TRHDE: variants seen among roughly 807,000 people sequenced by gnomAD.
TRHDE encodes thyrotropin releasing hormone degrading enzyme.
Under a neutral mutation model 125.7 loss-of-function variants are expected in TRHDE, and 72 were observed. The ratio of observed to expected loss-of-function variants is 0.57; its 90% CI spans 0.47 to 0.70. TRHDE has a LOEUF of 0.70. Among genes scored for constraint, TRHDE ranks in the 30% least tolerant of loss-of-function variants. The probability of loss-of-function intolerance (pLI) is 0.00; values close to 1 mark genes in which losing one functional copy is unlikely to be tolerated. For synonymous variants in TRHDE, 509 were observed against 509.1 expected, an observed-to-expected ratio of 1.00 and a Z score of 0.00; for missense variants, 1,110 against 1,327.1, an observed-to-expected ratio of 0.84 and a Z score of 2.54.
intron 2 of TRHDE, among the ~76,000 whole-genome samples, chr12:72,230,953 G>C (rs1214550643): frequency 6.6e-6 from 1 of 151,916 alleles, no homozygotes; most frequent in African/African-American, 2.4e-5. Flanking sequence ...TAACATACTT[G>C]GGTTATTTTA....
At chr12:72,094,809 T>A (rs1267487406) in intron 1 of TRHDE, among the ~76,000 whole-genome samples, 2 of 152,202 alleles carry the variant, frequency 1.3e-5, no homozygotes, top group Non-Finnish European at 2.9e-5. Flanking sequence ...AGTTGGTGAG[T>A]CTGCCACCTG....
chr12:72,171,919 T>A (rs959239472), intron 2 of TRHDE, among the ~76,000 whole-genome samples: 4 of 152,158 alleles, frequency 2.6e-5, no homozygotes, highest in African/African-American at 7.2e-5. Context: ...ATCAAATGAG[T>A]GGGATAATAT....
intron 3 of TRHDE, among the ~76,000 whole-genome samples, chr12:72,461,902 T>A (rs1304994507): frequency 6.6e-6 from 1 of 152,182 alleles, no homozygotes; most frequent in African/African-American, 2.4e-5. Context: ...AGTGATAACA[T>A]TTATCATGCT....
chr12:72,657,464 C>T (rs1874750786), intron 18 of TRHDE, among the ~76,000 whole-genome samples: 1 of 152,152 alleles, frequency 6.6e-6, no homozygotes, highest in African/African-American at 2.4e-5. Context: ...AATAATATTG[C>T]TTTGTGCTAT....
chr12:72,122,690 T>C (rs1245259071), intron 2 of TRHDE, among the ~76,000 whole-genome samples: 1 of 152,152 alleles, frequency 6.6e-6, no homozygotes, highest in Non-Finnish European at 1.5e-5. Flanking sequence ...CTTTTCTGGA[T>C]ATTTGAGAGC....
At chr12:72,564,115 T>G (rs898398954) in intron 9 of TRHDE, among the ~76,000 whole-genome samples, 1 of 152,138 alleles carries the variant, frequency 6.6e-6, no homozygotes, top group Admixed American at 6.5e-5. Flanking sequence ...AAGCAGTGTC[T>G]TCTATCTCTC....
intron 2 of TRHDE, among the ~76,000 whole-genome samples, chr12:72,357,234 C>T (rs1870864625): frequency 6.6e-6 from 1 of 151,432 alleles, no homozygotes; most frequent in Non-Finnish European, 1.5e-5. Context: ...CCAAGGCAAT[C>T]CTAAGCAATA....
intron 3 of TRHDE, among the ~76,000 whole-genome samples, chr12:72,407,171 A>G (rs1873302327): frequency 6.6e-6 from 1 of 152,190 alleles, no homozygotes. Context: ...TCTGAAAGCT[A>G]GATGGGGAAG....
At chr12:72,089,066 C>G (rs994961346) in intron 1 of TRHDE, among the ~76,000 whole-genome samples, 6 of 152,142 alleles carry the variant, frequency 3.9e-5, no homozygotes, top group Non-Finnish European at 7.4e-5. Context: ...CCTTCCCTAT[C>G]TCACCGATGG....
chr12:72,650,270 C>T (rs1874452668), intron 15 of TRHDE, among the ~76,000 whole-genome samples: 1 of 152,000 alleles, frequency 6.6e-6, no homozygotes, highest in South Asian at 2.1e-4. Flanking sequence ...AGTGAAAGAG[C>T]CAGTCACAGA....
At chr12:72,289,715 C>T (rs1258090904) in intron 2 of TRHDE, among the ~76,000 whole-genome samples, 1 of 152,114 alleles carries the variant, frequency 6.6e-6, no homozygotes, top group African/African-American at 2.4e-5. Flanking sequence ...AAGGTTCCTG[C>T]TCCCAGGGAG....
At chr12:72,222,952 T>C (rs1878030683) in intron 2 of TRHDE, among the ~76,000 whole-genome samples, 1 of 152,048 alleles carries the variant, frequency 6.6e-6, no homozygotes. Flanking sequence ...AAGATAAAGC[T>C]CCTCCTTTTA....
chr12:72,430,415 A>G lies in TRHDE; in HGVS notation c.1316-39343A>G, dbSNP rs1271559707. Among the ~76,000 whole-genome samples the G allele has an allele frequency of 5.3e-4, 77 of 145,530 alleles. 1 individual carries two copies. The highest frequency in any genetic ancestry group is 1.9e-3 in the African/African-American group (76 of 39,206). On this transcript the variant is annotated intron_variant, in intron 3 of 18. Coordinates refer to ENST00000261180, the MANE Select transcript of TRHDE (RefSeq NM_013381.3). ...TATACACACACGTATATATATGTGC[A>G]TATATATACATGTATATATATACAC...
Position 72,634,769 on chromosome 12 carries a change from G to C in TRHDE, c.2675+13018G>C, listed in dbSNP as rs1418331596. Among the ~76,000 whole-genome samples, 14 of 149,138 alleles carry C rather than the reference G, an allele frequency of 9.4e-5. No individual in the cohort carries two copies. In the South Asian group the frequency reaches 3.0e-3, roughly 31 times the overall value. ...ATGCGGTGTTTGGTTTTTTGTTCTTGTGATAGTTTACTGAGAATGATGATT... is the reference window on the plus strand; with the variant it reads ...ATGCGGTGTTTGGTTTTTTGTTCTTCTGATAGTTTACTGAGAATGATGATT... On this transcript the variant is annotated intron_variant, in intron 15 of 18. Coordinates refer to ENST00000261180, the MANE Select transcript of TRHDE (RefSeq NM_013381.3).
chr12:72,504,810 C>A (rs899599563), intron 6 of TRHDE, among the ~76,000 whole-genome samples: 1 of 152,110 alleles, frequency 6.6e-6, no homozygotes, highest in African/African-American at 2.4e-5. Context: ...GTATGTAACA[C>A]AATAATTTCT....
At chr12:72,103,273 C>T (rs551035961) in intron 1 of TRHDE, among the ~76,000 whole-genome samples, 6 of 152,228 alleles carry the variant, frequency 3.9e-5, no homozygotes, top group African/African-American at 1.4e-4. Context: ...TATGTTAGAT[C>T]CGATATTTAG....
intron 12 of TRHDE, among the ~76,000 whole-genome samples, chr12:72,589,990 A>G (rs2136046322): frequency 6.6e-6 from 1 of 151,814 alleles, no homozygotes; most frequent in South Asian, 2.1e-4. Flanking sequence ...TGATTGAGAT[A>G]TTTTTTCTTT....
intron 1 of TRHDE, among the ~76,000 whole-genome samples, chr12:72,089,799 A>G (rs139949428): frequency 6.6e-6 from 1 of 152,262 alleles, no homozygotes; most frequent in African/African-American, 2.4e-5. Context: ...CTCCTCTCCC[A>G]TGCAATGAGA....
At chr12:72,487,068 T>C (rs531626492) in intron 5 of TRHDE, among the ~76,000 whole-genome samples, 49 of 152,168 alleles carry the variant, frequency 3.2e-4, no homozygotes, top group African/African-American at 1.2e-3. Context: ...AGGAAGAATC[T>C]TGAAGATAGG....
Sources: allele counts gnomAD v4.1 joint callset (sites outside exome capture counted in the v4.1 genomes callset), GRCh38; gene constraint gnomAD v4.1.1; transcripts MANE v1.5; gene names NCBI Gene and HGNC (gene_info 2026-07-23, HGNC 2026-07-21).